OCA2: variants seen among roughly 807,000 people sequenced by gnomAD.
OCA2 encodes P protein.
In OCA2, 77 loss-of-function variants were observed where a neutral mutation model predicts 100.2. That is an observed-to-expected ratio of 0.77 (90% CI 0.64 to 0.93). The LOEUF (loss-of-function observed/expected upper bound fraction) is 0.93. Ranked by LOEUF, OCA2 falls within the 40% of genes least tolerant of loss-of-function variation. The probability of loss-of-function intolerance (pLI) is 0.00; values close to 1 mark genes in which losing one functional copy is unlikely to be tolerated. For missense variants in OCA2, 1,062 were observed against 1,089.1 expected, an observed-to-expected ratio of 0.98 and a Z score of 0.35; for synonymous variants, 432 against 439.2, an observed-to-expected ratio of 0.98 and a Z score of 0.21.
intron 14 of OCA2, among the ~76,000 whole-genome samples, chr15:27,969,907 A>T (rs2040712689): frequency 6.7e-6 from 1 of 149,388 alleles, no homozygotes; most frequent in African/African-American, 2.5e-5. Context: ...TGAAAATTTA[A>T]AAAAAAAAAA....
chr15:27,931,138 A>G (rs998264262), intron 18 of OCA2, among the ~76,000 whole-genome samples: 1 of 152,162 alleles, frequency 6.6e-6, no homozygotes, highest in African/African-American at 2.4e-5. Context: ...CCGGCTTGCA[A>G]CTAGGAGAAA....
chr15:27,730,739 ATATATATATATATATATATAT>A, the OCA2 span, among the ~76,000 whole-genome samples: 1 of 4,450 alleles, frequency 2.2e-4, no homozygotes, highest in Non-Finnish European at 4.1e-4. Context: ...CCAAATATAT[ATATATATATATATATATATAT>A]ATATATATAT....
chr15:28,015,381 C>T lies in OCA2; in HGVS notation c.891-452G>A, dbSNP rs1276816533. Among the ~76,000 whole-genome samples, 3 of 152,172 alleles carry T rather than the reference C, an allele frequency of 2.0e-5. No homozygotes were observed. In the East Asian group the frequency reaches 5.8e-4, roughly 29 times the overall value. ...ACTGAAGCGTTTTTTCAAGTTCAGG[C>T]CAATATGTTTTATGGGCCGAATTAT... On this transcript the variant is annotated intron_variant, in intron 8 of 23. Coordinates refer to ENST00000354638, the MANE Select transcript of OCA2 (RefSeq NM_000275.3).
chr15:27,931,291 A>G (rs1044629041), intron 18 of OCA2, among the ~76,000 whole-genome samples: 1 of 152,140 alleles, frequency 6.6e-6, no homozygotes, highest in African/African-American at 2.4e-5. Flanking sequence ...GTTCTTGACA[A>G]TTCTATACCT....
chr15:27,844,984 C>T lies in OCA2; in HGVS notation c.2407G>A (p.Gly803Arg). The change falls in exon 23 of 24, where the codon GGG becomes AGG. Residue 803 changes from glycine to arginine, a missense_variant. By Grantham distance (125) the Gly-to-Arg change is moderately radical. Coordinates refer to ENST00000354638, the MANE Select transcript of OCA2 (RefSeq NM_000275.3). ...CAGIAEQHGYGFSFMEFFRLG... is the reference protein window; with the variant it reads ...CAGIAEQHGYRFSFMEFFRLG... ...CTGAAAAATTCCATGAAGGAGAACC[C>T]ATATCCATGCTGTTCTGCAATCCCT... 6.2e-7 allele frequency: 1 copy of T among 1,613,082 alleles called. No homozygotes were observed. Among genetic ancestry groups the T allele is most frequent in the Non-Finnish European group, 8.5e-7 (1 of 1,179,174 alleles).
intron 23 of OCA2, among the ~76,000 whole-genome samples, chr15:27,792,143 T>C (rs1457435733): frequency 6.6e-6 from 1 of 152,224 alleles, no homozygotes; most frequent in Non-Finnish European, 1.5e-5. Flanking sequence ...CCCAAAAAGA[T>C]ACACAATGAA....
intron 9 of OCA2, among the ~76,000 whole-genome samples, chr15:27,994,206 C>G (rs1301303882): frequency 6.6e-6 from 1 of 152,164 alleles, no homozygotes; most frequent in Non-Finnish European, 1.5e-5. Flanking sequence ...GCATCAGATT[C>G]TCATAGGAGC....
downstream of OCA2, among the ~76,000 whole-genome samples, chr15:27,751,288 C>T (rs2150963146): frequency 6.6e-6 from 1 of 152,272 alleles, no homozygotes; most frequent in Admixed American, 6.5e-5. Context: ...TCCCCTTCTC[C>T]AGAATGAATG....
chr15:27,778,417 G>A (rs1390956504), intron 23 of OCA2, among the ~76,000 whole-genome samples: 1 of 152,210 alleles, frequency 6.6e-6, no homozygotes, highest in Non-Finnish European at 1.5e-5. Context: ...TGTGTTTGGT[G>A]AGGTCACTCC....
At chr15:27,911,789 A>G (rs1301298393) in intron 19 of OCA2, among the ~76,000 whole-genome samples, 2 of 152,208 alleles carry the variant, frequency 1.3e-5, no homozygotes, top group Non-Finnish European at 1.5e-5. Context: ...TTGGAGGGAC[A>G]AGTATCCAAA....
intron 1 of OCA2, among the ~76,000 whole-genome samples, chr15:28,097,275 A>C (rs2045003725): frequency 6.6e-6 from 1 of 152,210 alleles, no homozygotes; most frequent in Non-Finnish European, 1.5e-5. Context: ...CCGGCGCAAG[A>C]GCCACAGCCC....
chr15:27,958,442 G>T (rs888947986), intron 15 of OCA2, among the ~76,000 whole-genome samples: 2 of 152,194 alleles, frequency 1.3e-5, no homozygotes, highest in African/African-American at 4.8e-5. Context: ...GGTGCTCAGC[G>T]CTCTCCAACA....
chr15:27,935,575 A>G (rs1314427541), intron 18 of OCA2, among the ~76,000 whole-genome samples: 5 of 152,162 alleles, frequency 3.3e-5, no homozygotes, highest in African/African-American at 9.7e-5. Context: ...CCGAAGATGG[A>G]CTGGTTTTCT....
At chr15:28,028,184 A>T in intron 3 of OCA2, 125 bp from the exon 4 acceptor site, 2 of 1,038,052 alleles carry the variant, frequency 1.9e-6, no homozygotes, top group Non-Finnish European at 2.9e-6. Flanking sequence ...AGGACCACAG[A>T]CAGTGGTGCA....
At chr15:27,930,714 G>GA (rs1743270805) in intron 18 of OCA2, among the ~76,000 whole-genome samples, 1 of 148,052 alleles carries the variant, frequency 6.8e-6, no homozygotes, top group African/African-American at 2.4e-5. Flanking sequence ...GGTGCTGGGA[G>GA]GTCAGGAGTA....
chr15:27,822,126 A>G (rs886117689), intron 23 of OCA2, among the ~76,000 whole-genome samples: 1 of 148,292 alleles, frequency 6.7e-6, no homozygotes, highest in South Asian at 2.1e-4. Context: ...TCAATGGATT[A>G]CTACAAGCTG....
intron 23 of OCA2, among the ~76,000 whole-genome samples, chr15:27,805,354 G>T (rs984204591): frequency 6.6e-6 from 1 of 152,396 alleles, no homozygotes; most frequent in Admixed American, 6.5e-5. Context: ...CCGCGAAGGA[G>T]GCCTGGGCTG....
At chr15:27,734,622 C>T in the OCA2 span, among the ~76,000 whole-genome samples, 1 of 152,242 alleles carries the variant, frequency 6.6e-6, no homozygotes, top group Admixed American at 6.5e-5. Flanking sequence ...GTGAGGCAGG[C>T]TCGACCTCCA....
intron 2 of OCA2, among the ~76,000 whole-genome samples, chr15:28,070,327 C>T (rs1162956856): frequency 3.5e-5 from 5 of 141,990 alleles, no homozygotes; most frequent in East Asian, 2.2e-4. Context: ...GGGTCAGCCC[C>T]CCGCCCGGCC....
Sources: gnomAD v4.1 joint callset for allele counts (sites outside exome capture counted in the v4.1 genomes callset) on GRCh38, gnomAD v4.1.1 for gene constraint, MANE v1.5 for transcripts, NCBI Gene and HGNC (gene_info 2026-07-23, HGNC 2026-07-21) for gene names.